Variants in SPATA7 observed in about 807,000 individuals in gnomAD.
SPATA7 encodes the protein spermatogenesis-associated protein 7.
In SPATA7, 43 loss-of-function variants were observed where a neutral mutation model predicts 51.8. The observed-to-expected ratio is 0.83, with a 90% CI of 0.65 to 1.07. The LOEUF (loss-of-function observed/expected upper bound fraction) is 1.07, where lower values mean the gene tolerates loss of function less well. Ranked by LOEUF, SPATA7 falls within the 50% of genes least tolerant of loss-of-function variation. The probability of loss-of-function intolerance (pLI) is 0.00; values close to 1 mark genes in which losing one functional copy is unlikely to be tolerated. For missense variants in SPATA7, 683 were observed against 701.3 expected (o/e 0.97, Z 0.30); for synonymous variants, 230 against 252.8 (o/e 0.91, Z 0.86).
At chr14:88,464,591 G>A (rs931927771) in intron 4 of SPATA7, among the ~76,000 whole-genome samples, 3 of 152,016 alleles carry the variant, frequency 2.0e-5, no homozygotes, top group African/African-American at 4.8e-5. Context: ...TTAGCCGGGC[G>A]TAATGGCGCA....
chr14:88,425,306 C>G (rs993988643), intron 5 of SPATA7, among the ~76,000 whole-genome samples: 1 of 152,098 alleles, frequency 6.6e-6, no homozygotes, highest in Non-Finnish European at 1.5e-5. Flanking sequence ...ATACAGGAAG[C>G]CTTTTTCCTT....
downstream of SPATA7, among the ~76,000 whole-genome samples, chr14:88,458,341 A>G (rs1399727670): frequency 6.6e-6 from 1 of 152,166 alleles, no homozygotes; most frequent in African/African-American, 2.4e-5. Flanking sequence ...TCGGCTGTGA[A>G]TCCATCTGGT....
At chr14:88,391,745 GC>G (rs1348003807) in intron 2 of SPATA7, 6 of 434,556 alleles carry the variant, frequency 1.4e-5, no homozygotes, top group African/African-American at 1.2e-4. Context: ...AGGCATACCT[GC>G]CTTGTTAAAA....
At chr14:88,417,503 G>A (rs570833897) in intron 5 of SPATA7, among the ~76,000 whole-genome samples, 1 of 151,756 alleles carries the variant, frequency 6.6e-6, no homozygotes. Flanking sequence ...ATGGGGTCTC[G>A]CCATGTTGGC....
Position 88,438,460 on chromosome 14 carries a change from A to G in SPATA7, c.*38A>G, listed in dbSNP as rs778353140. The stretch of plus-strand genomic sequence containing the variant: ...AATACCTCAAATGGCCAGTAACTCA[A>G]TATTACTTTTCTTCCTTTTTTAAAA... On this transcript the variant is annotated 3_prime_UTR_variant, in exon 12 of 12. Transcript: ENST00000393545. The G allele has an allele frequency of 1.4e-6, 2 of 1,430,626 alleles. No homozygotes were observed. The allele number at this position is 1,430,626 out of a possible 1,614,324, so 88.6% of individuals were successfully genotyped here. A position where few individuals can be genotyped will look rare whatever the true frequency, so the allele number is the denominator to read the frequency against.
intron 4 of SPATA7, among the ~76,000 whole-genome samples, chr14:88,405,849 A>G (rs1423590959): frequency 6.6e-6 from 1 of 152,258 alleles, no homozygotes; most frequent in East Asian, 1.9e-4. Context: ...ATTTGACAGC[A>G]TATAGGGGGT....
chr14:88,412,039 A>G lies in SPATA7; in HGVS notation c.239-4672A>G, dbSNP rs1473118098. On this transcript the variant is annotated intron_variant, in intron 4 of 11. Transcript: ENST00000393545. ...ACCTTGCCACATCTACTATTTTTTGACTTCTTAGTAATAGCCATTCTGGCT... is the reference window on the plus strand; with the variant it reads ...ACCTTGCCACATCTACTATTTTTTGGCTTCTTAGTAATAGCCATTCTGGCT... 5.3e-5 allele frequency among the ~76,000 whole-genome samples: 8 copies of G among 151,936 alleles called. No individual in the cohort carries two copies. The East Asian group carries it at 1.6e-3, about 29-fold the overall frequency.
chr14:88,443,046 G>A (rs1237551731), downstream of SPATA7, among the ~76,000 whole-genome samples: 2 of 151,010 alleles, frequency 1.3e-5, no homozygotes, highest in East Asian at 3.9e-4. Context: ...TTGGTTTCAA[G>A]CAACTCTCCT....
At chr14:88,421,060 G>A (rs181785181) in intron 5 of SPATA7, among the ~76,000 whole-genome samples, 93 of 152,184 alleles carry the variant, frequency 6.1e-4, no homozygotes, top group African/African-American at 2.2e-3. Context: ...GTCTCAATGA[G>A]CTGAGTTAAC....
intron 4 of SPATA7, chr14:88,468,103 T>A: frequency 1.2e-6 from 2 of 1,611,588 alleles, no homozygotes; most frequent in Non-Finnish European, 1.7e-6. Flanking sequence ...TGTAAACGCT[T>A]CACATGACTG....
chr14:88,424,687 G>A (rs1299230212), intron 5 of SPATA7, among the ~76,000 whole-genome samples: 1 of 152,136 alleles, frequency 6.6e-6, no homozygotes, highest in East Asian at 1.9e-4. Context: ...TACATAAGCT[G>A]TAGTGTGAGT....
chr14:88,392,144 G>A (rs74553422), intron 2 of SPATA7, among the ~76,000 whole-genome samples: 5,371 of 152,014 alleles, frequency 0.035, 310 homozygotes, highest in African/African-American at 0.12. Flanking sequence ...TTGTGGCTAT[G>A]TATGTATGTA....
At chr14:88,421,254 G>A (rs559227693) in intron 5 of SPATA7, among the ~76,000 whole-genome samples, 4 of 152,260 alleles carry the variant, frequency 2.6e-5, no homozygotes, top group African/African-American at 9.6e-5. Flanking sequence ...CAGGGTTCAG[G>A]ATGGGGAAGT....
downstream of SPATA7, among the ~76,000 whole-genome samples, chr14:88,459,326 A>C (rs1337550550): frequency 1.3e-5 from 2 of 152,196 alleles, no homozygotes; most frequent in East Asian, 3.8e-4. Flanking sequence ...GTGGGGTGTT[A>C]AAGTCTCCCA....
chr14:88,465,388 AC>A (rs1566800118), intron 4 of SPATA7, among the ~76,000 whole-genome samples: 1 of 152,102 alleles, frequency 6.6e-6, no homozygotes, highest in Non-Finnish European at 1.5e-5. Flanking sequence ...AATCACTCGA[AC>A]CCAGGAGGCA....
chr14:88,462,330 T>C (rs1258181637), intron 4 of SPATA7, among the ~76,000 whole-genome samples: 1 of 152,226 alleles, frequency 6.6e-6, no homozygotes, highest in Non-Finnish European at 1.5e-5. Context: ...GAAAACTAGT[T>C]ATTGAATCTG....
chr14:88,427,960 G>T, intron 7 of SPATA7: 1 of 373,728 alleles, frequency 2.7e-6, no homozygotes. Context: ...TGGACAAATG[G>T]AAGGATCAGT....
At chr14:88,441,823 A>C (rs969590274), downstream of SPATA7, among the ~76,000 whole-genome samples, 2 of 152,100 alleles carry the variant, frequency 1.3e-5, no homozygotes, top group African/African-American at 2.4e-5. Flanking sequence ...TTCTTTTGCT[A>C]TGCAGAATCA....
chr14:88,431,362 G>A, intron 9 of SPATA7, 137 bp downstream of exon 9: 1 of 824,834 alleles, frequency 1.2e-6, no homozygotes, highest in Non-Finnish European at 2.1e-6. Flanking sequence ...CATATTCATG[G>A]AGTACCTAGT....
Sources: gnomAD v4.1 joint callset for allele counts (sites outside exome capture counted in the v4.1 genomes callset) on GRCh38, gnomAD v4.1.1 for gene constraint, MANE v1.5 for transcripts, NCBI Gene and HGNC (gene_info 2026-07-23, HGNC 2026-07-21) for gene names.